Variants in ABCG2 observed in about 807,000 individuals in gnomAD.
The protein encoded by ABCG2 is ATP binding cassette subfamily G member 2 (JR blood group), also known as broad substrate specificity ATP-binding cassette transporter ABCG2.
In ABCG2, 80 loss-of-function variants were observed where a neutral mutation model predicts 73.5. That is an observed-to-expected ratio of 1.09 (90% CI 0.91 to 1.31). The LOEUF (loss-of-function observed/expected upper bound fraction) is 1.31. Among genes scored for constraint, ABCG2 ranks in the 50% most tolerant of loss-of-function variants. The pLI is 0.00. For missense variants in ABCG2, 796 were observed against 786.2 expected, an observed-to-expected ratio of 1.01 and a Z score of -0.15; for synonymous variants, 269 against 282.4, an observed-to-expected ratio of 0.95 and a Z score of 0.48.
At chr4:88,169,048 T>A (rs993685064) in intron 1 of ABCG2, among the ~76,000 whole-genome samples, 4 of 74,522 alleles carry the variant, frequency 5.4e-5, no homozygotes, top group Non-Finnish European at 9.9e-5. Context: ...GTAGTTATCT[T>A]TTTTTTTTTT....
chr4:88,112,233 T>C (rs1456203604), intron 9 of ABCG2, among the ~76,000 whole-genome samples: 1 of 152,242 alleles, frequency 6.6e-6, no homozygotes, highest in African/African-American at 2.4e-5. Flanking sequence ...AGCCTTGTTC[T>C]GTGAACTCAA....
rs563198383 is a variant in ABCG2 at position 88,152,518 on chromosome 4, G to A, written c.-20+5868C>T. Among the ~76,000 whole-genome samples the A allele has an allele frequency of 2.4e-3, 369 of 152,188 alleles. 5 individuals are homozygous for A. Among genetic ancestry groups the A allele is most frequent in the African/African-American group, 8.2e-3 (341 of 41,526 alleles). On this transcript the variant is annotated intron_variant, in intron 1 of 15. Transcript: ENST00000237612. ...GTTCTCTGGTGGGCAGGGGTGGGGC[G>A]TCACAGGGTGCTCAGCGGGGGAGCT...
At chr4:88,133,735 T>C (rs1295158917) in intron 2 of ABCG2, among the ~76,000 whole-genome samples, 5 of 152,204 alleles carry the variant, frequency 3.3e-5, no homozygotes, top group Non-Finnish European at 7.3e-5. Context: ...TGGTGGCTCA[T>C]GCCTGTAATC....
chr4:88,167,594 C>T (rs1295951325), intron 1 of ABCG2, among the ~76,000 whole-genome samples: 4 of 151,982 alleles, frequency 2.6e-5, no homozygotes, highest in African/African-American at 4.8e-5. Flanking sequence ...AGGCTGGTTT[C>T]GAACTCCTGA....
chr4:88,169,796 T>C lies in ABCG2; in HGVS notation c.-19-29782A>G, dbSNP rs928763133. On this transcript the variant is annotated intron_variant, in intron 1 of 15. Transcript: ENST00000515655. The stretch of plus-strand genomic sequence containing the variant: ...GAGGGCTCCCTTACATTAGGTCCCA[T>C]GTTTGGCACTAAAGAAGAGAAACAA... Among the ~76,000 whole-genome samples, 4 of 152,204 alleles carry C rather than the reference T, an allele frequency of 2.6e-5. No homozygotes were observed. In the South Asian group the frequency reaches 6.2e-4, roughly 24 times the overall value.
intron 1 of ABCG2, among the ~76,000 whole-genome samples, chr4:88,219,834 C>T (rs1469251183): frequency 6.6e-6 from 1 of 151,736 alleles, no homozygotes; most frequent in Non-Finnish European, 1.5e-5. Context: ...CGTGATCCAC[C>T]CGCCTCGGCC....
chr4:88,124,820 A>G (rs1236939749), intron 5 of ABCG2, among the ~76,000 whole-genome samples: 1 of 152,206 alleles, frequency 6.6e-6, no homozygotes, highest in Non-Finnish European at 1.5e-5. Flanking sequence ...ACAGACACCT[A>G]CAGAACTCTC....
chr4:88,126,117 A>C (rs1578203466), intron 5 of ABCG2, among the ~76,000 whole-genome samples: 2 of 152,308 alleles, frequency 1.3e-5, no homozygotes, highest in South Asian at 4.1e-4. Context: ...ATCCCACAGA[A>C]ATACAAACTA....
Position 88,101,204 on chromosome 4 carries a change from C to T in ABCG2, c.1367+26G>A, listed in dbSNP as rs565455557. The T allele has an allele frequency of 1.4e-5, 22 of 1,607,468 alleles. No homozygotes were observed. In the South Asian group the frequency reaches 1.8e-4, roughly 13 times the overall value. ...AATAGCCCCTGCTGCTGGACAGCCC[C>T]GTTCCCAGAACAAAGACCTACTCAC... On this transcript the variant is annotated intron_variant, in intron 11 of 15. Coordinates refer to ENST00000237612, the MANE Select transcript of ABCG2 (RefSeq NM_004827.3).
rs1233583777 is a variant in ABCG2 at position 88,091,639 on chromosome 4, C to T, written c.*595G>A. On this transcript the variant is annotated 3_prime_UTR_variant, in exon 16 of 16. Coordinates refer to ENST00000237612, the MANE Select transcript of ABCG2 (RefSeq NM_004827.3). ...CTCTACTCTACCCACAGTTCCAAAC[C>T]CTCAGCCAAGATTCCTGAGATATTA... 6.6e-6 allele frequency: 1 copy of T among 152,206 alleles called. No homozygotes were observed. Among genetic ancestry groups the T allele is most frequent in the African/African-American group, 2.4e-5 (1 of 41,416 alleles). 9.4% of individuals were successfully genotyped at this position (152,206 alleles called of 1,614,324 possible).
intron 10 of ABCG2, among the ~76,000 whole-genome samples, chr4:88,106,581 T>C (rs1363180832): frequency 6.6e-6 from 1 of 152,102 alleles, no homozygotes; most frequent in Non-Finnish European, 1.5e-5. Flanking sequence ...AGACAGAAAG[T>C]AGAATGATTG....
At chr4:88,219,772 G>A (rs1295163431) in intron 1 of ABCG2, among the ~76,000 whole-genome samples, 2 of 142,134 alleles carry the variant, frequency 1.4e-5, no homozygotes, top group Non-Finnish European at 3.0e-5. Context: ...TGTATTTTTA[G>A]TAGAGATGGG....
In ABCG2 at chr4:88,094,589, C is replaced by T. The variant is rs868712999; in HGVS notation, c.1808G>A (p.Cys603Tyr). Reference sequence around the variant, plus strand: ...AACAAAAACTTACGTTGCATAGTTACAAGGATTGTTTCCTGTTGCATTGAG... The same window carrying T: ...AACAAAAACTTACGTTGCATAGTTATAAGGATTGTTTCCTGTTGCATTGAG... ...PGLNATGNNPCNYATCTGEEY... is the reference protein window; with the variant it reads ...PGLNATGNNPYNYATCTGEEY... Residue 603 changes from cysteine (C) to tyrosine (Y), a missense_variant, in exon 15 of 16, where the codon TGT becomes TAT. Cys to Tyr is a radical substitution (Grantham distance 194). Coordinates refer to ENST00000237612, the MANE Select transcript of ABCG2 (RefSeq NM_004827.3). The T allele has an allele frequency of 9.9e-6, 16 of 1,613,770 alleles. No homozygotes were observed. The Middle Eastern group carries it at 2.3e-3, about 233-fold the overall frequency.
intron 1 of ABCG2, among the ~76,000 whole-genome samples, chr4:88,226,438 G>C (rs1488497214): frequency 6.6e-6 from 1 of 152,200 alleles, no homozygotes; most frequent in Non-Finnish European, 1.5e-5. Flanking sequence ...TTTGCTATTG[G>C]TGTGAATCTT....
rs145932752 is a variant in ABCG2 at position 88,105,255 on chromosome 4, A to G, written c.1277+1929T>C. On this transcript the variant is annotated intron_variant, in intron 10 of 15. Transcript: ENST00000237612. ...TTTTATGCTTATTCTTTAAAAAATAATCAGCCTTTCCAGACATCAAAATAG... is the reference window on the plus strand; with the variant it reads ...TTTTATGCTTATTCTTTAAAAAATAGTCAGCCTTTCCAGACATCAAAATAG... 1.4e-3 allele frequency among the ~76,000 whole-genome samples: 215 copies of G among 152,370 alleles called. 1 individual carries two copies. The highest frequency in any genetic ancestry group is 5.0e-3 in the African/African-American group (206 of 41,586).
chr4:88,139,950 T>C lies in ABCG2; in HGVS notation c.46A>G (p.Asn16Asp), dbSNP rs1560706429. 1 of 1,614,144 alleles carries C rather than the reference T, an allele frequency of 6.2e-7. No homozygotes were observed. Among genetic ancestry groups the C allele is most frequent in the Admixed American group, 1.7e-5 (1 of 60,020 alleles). Residue 16 changes from asparagine to aspartate, a missense_variant, in exon 2 of 16, where the codon AAC (asparagine) becomes GAC (aspartate). Physicochemically the swap from Asn to Asp is conservative, Grantham distance 23. Transcript: ENST00000237612. ...GCTGTCGCGGGGAAGCCATTGGTGTTTCCTTGTGACACTGGGATAAAAACT... is the reference window on the plus strand; with the variant it reads ...GCTGTCGCGGGGAAGCCATTGGTGTCTCCTTGTGACACTGGGATAAAAACT... ...VEVFIPVSQG[N>D]TNGFPATASN...
chr4:88,131,013 A>C (rs1341093136), intron 5 of ABCG2, 48 bp downstream of exon 5: 1 of 1,598,326 alleles, frequency 6.3e-7, no homozygotes, highest in East Asian at 2.2e-5. Flanking sequence ...CCACACAGGG[A>C]AAGTCCTACT....
At position 88,097,486 on chromosome 4, in the gene ABCG2, T is replaced by C. The variant is rs34156107; in HGVS notation, c.1614A>G (p.Thr538=). 23 of 1,614,124 alleles carry C rather than the reference T, an allele frequency of 1.4e-5. No homozygotes were observed. The East Asian group carries it at 4.5e-4, about 31-fold the overall frequency. ...AAGQSVVSVA[T]LLMTICFVFM... ...ACACAAAACAGATGGTCATGAGAAG[T>C]GTTGCTACAGAAACCACACTCTGAC... The change falls in exon 13 of 16, where the codon ACA becomes ACG. Residue 538 remains threonine (T), a synonymous_variant. Coordinates refer to ENST00000237612, the MANE Select transcript of ABCG2 (RefSeq NM_004827.3).
Position 88,221,239 on chromosome 4 carries a change from G to A in ABCG2, c.-20+9755C>T, listed in dbSNP as rs578168670. 3.6e-4 allele frequency among the ~76,000 whole-genome samples: 14 copies of A among 39,090 alleles called. No homozygotes were observed. The Admixed American group carries it at 4.1e-3, about 11-fold the overall frequency. The allele number at this position is 39,090 out of a possible 152,430, so 25.6% of individuals were successfully genotyped here. A position where few individuals can be genotyped will look rare whatever the true frequency, so the allele number is the denominator to read the frequency against. On this transcript the variant is annotated intron_variant, in intron 1 of 15. Transcript: ENST00000515655. ...AGCTGAGATCATGCCACTGCACTCC[G>A]GCCTAGGCAAGAATGAAACTGTGTC...
Sources: allele counts gnomAD v4.1 joint callset (sites outside exome capture counted in the v4.1 genomes callset), GRCh38; gene constraint gnomAD v4.1.1; transcripts MANE v1.5; gene names NCBI Gene and HGNC (gene_info 2026-07-23, HGNC 2026-07-21).